CENPW: variants seen among roughly 807,000 people sequenced by gnomAD.
CENPW encodes the protein cancer-up-regulated gene 2 protein.
CENPW carries 3 observed loss-of-function variants against 11.1 expected under a neutral mutation model. That is an observed-to-expected ratio of 0.27 (90% CI 0.12 to 0.70). CENPW has a LOEUF of 0.70. Ranked by LOEUF, CENPW falls within the 30% of genes least tolerant of loss-of-function variation. CENPW has a pLI of 0.77. For missense variants in CENPW, 100 were observed against 105.6 expected, an observed-to-expected ratio of 0.95 and a Z score of 0.23; for synonymous variants, 38 against 42.0, an observed-to-expected ratio of 0.91 and a Z score of 0.37.
the CENPW span, among the ~76,000 whole-genome samples, chr6:126,442,278 T>C: frequency 6.6e-6 from 1 of 151,674 alleles, no homozygotes; most frequent in Non-Finnish European, 1.5e-5. Context: ...TTCATGATCT[T>C]AGCCCTTTTT....
chr6:126,422,639 C>T, the CENPW span, among the ~76,000 whole-genome samples: 2 of 152,074 alleles, frequency 1.3e-5, no homozygotes, highest in African/African-American at 4.8e-5. Flanking sequence ...TATTTGAAAT[C>T]TTCATCGTTT....
the CENPW span, among the ~76,000 whole-genome samples, chr6:126,452,162 T>A: frequency 6.6e-6 from 1 of 151,130 alleles, no homozygotes; most frequent in Non-Finnish European, 1.5e-5. Flanking sequence ...TATCAACATT[T>A]TCAATGAGAT....
the CENPW span, among the ~76,000 whole-genome samples, chr6:126,362,208 A>G: frequency 1.3e-5 from 2 of 152,128 alleles, no homozygotes; most frequent in Non-Finnish European, 2.9e-5. Flanking sequence ...GAGGGAGATG[A>G]CATGCTGTGG....
the CENPW span, among the ~76,000 whole-genome samples, chr6:126,451,570 A>C: frequency 6.6e-6 from 1 of 151,090 alleles, no homozygotes; most frequent in South Asian, 2.1e-4. Context: ...GTCCCCAAGC[A>C]AGCTTGTAGG....
the CENPW span, among the ~76,000 whole-genome samples, chr6:126,377,688 T>G: frequency 6.6e-6 from 1 of 152,318 alleles, no homozygotes; most frequent in African/African-American, 2.4e-5. Context: ...TTGTTTTGCA[T>G]AAGTAAACCA....
At chr6:126,384,369 T>C in the CENPW span, among the ~76,000 whole-genome samples, 17 of 152,086 alleles carry the variant, frequency 1.1e-4, no homozygotes, top group African/African-American at 3.6e-4. Flanking sequence ...TGATCCCCAA[T>C]CAAACTATAC....
the CENPW span, among the ~76,000 whole-genome samples, chr6:126,405,497 C>G: frequency 6.6e-6 from 1 of 151,896 alleles, no homozygotes; most frequent in Non-Finnish European, 1.5e-5. Context: ...GCCTTTTATA[C>G]TTCCATACAA....
chr6:126,439,652 A>G, the CENPW span, among the ~76,000 whole-genome samples: 2 of 151,656 alleles, frequency 1.3e-5, no homozygotes, highest in Non-Finnish European at 3.0e-5. Flanking sequence ...CAAATTGATT[A>G]TTTTGGCCAC....
At chr6:126,353,219 T>A (rs1325874457), downstream of CENPW, among the ~76,000 whole-genome samples, 3 of 130,942 alleles carry the variant, frequency 2.3e-5, no homozygotes, top group African/African-American at 9.6e-5. Context: ...TATTTCCCTA[T>A]GGGATCTTTT....
At chr6:126,483,158 G>A in the CENPW span, among the ~76,000 whole-genome samples, 1 of 151,642 alleles carries the variant, frequency 6.6e-6, no homozygotes, top group East Asian at 1.9e-4. Flanking sequence ...AGAAATGGAG[G>A]TGACTGATTA....
the CENPW span, among the ~76,000 whole-genome samples, chr6:126,409,988 T>A: frequency 6.6e-6 from 1 of 151,948 alleles, no homozygotes; most frequent in Non-Finnish European, 1.5e-5. Flanking sequence ...TTGTTCTTTC[T>A]TCCTCTCTTA....
chr6:126,463,835 G>A, the CENPW span, among the ~76,000 whole-genome samples: 1 of 151,936 alleles, frequency 6.6e-6, no homozygotes, highest in African/African-American at 2.4e-5. Context: ...GGTCCAGATG[G>A]CTTCACTGGT....
the CENPW span, among the ~76,000 whole-genome samples, chr6:126,422,056 ACTT>A: frequency 6.6e-6 from 1 of 152,038 alleles, no homozygotes; most frequent in South Asian, 2.1e-4. Flanking sequence ...GTCTCAGTAG[ACTT>A]CTTTGCTGAG....
the CENPW span, among the ~76,000 whole-genome samples, chr6:126,437,007 GGGCAT>G: frequency 6.6e-6 from 1 of 151,584 alleles, no homozygotes; most frequent in African/African-American, 2.4e-5. Context: ...GGTCTATAAT[GGGCAT>G]TGAAGCTTTT....
chr6:126,362,609 T>C, the CENPW span, among the ~76,000 whole-genome samples: 8 of 152,228 alleles, frequency 5.3e-5, no homozygotes, highest in Admixed American at 5.2e-4. Context: ...TGTCTAGTGC[T>C]ATCTTGTCCC....
the CENPW span, among the ~76,000 whole-genome samples, chr6:126,464,665 G>A: frequency 0.011 from 1,715 of 152,226 alleles, 39 homozygotes; most frequent in African/African-American, 0.039. Flanking sequence ...TGGGCCTTTG[G>A]CCACAGACTG....
chr6:126,417,953 C>T, the CENPW span, among the ~76,000 whole-genome samples: 1 of 152,124 alleles, frequency 6.6e-6, no homozygotes, highest in African/African-American at 2.4e-5. Context: ...GGGCAAAGGA[C>T]ATTTCTCTAA....
At chr6:126,466,222 G>A in the CENPW span, among the ~76,000 whole-genome samples, 11 of 152,106 alleles carry the variant, frequency 7.2e-5, no homozygotes, top group African/African-American at 2.2e-4. Flanking sequence ...TGTATAATGC[G>A]GTAAAACAAT....
At chr6:126,428,850 C>A in the CENPW span, among the ~76,000 whole-genome samples, 9 of 152,174 alleles carry the variant, frequency 5.9e-5, no homozygotes, top group African/African-American at 1.9e-4. Flanking sequence ...TTAGAAAATG[C>A]AGATGAACAT....
Sources: allele counts gnomAD v4.1 joint callset (sites outside exome capture counted in the v4.1 genomes callset), GRCh38; gene constraint gnomAD v4.1.1; transcripts MANE v1.5; gene names NCBI Gene and HGNC (gene_info 2026-07-23, HGNC 2026-07-21).